The following FSIP1 variants were observed in gnomAD, a reference collection of about 807,000 sequenced individuals.
FSIP1 encodes the protein fibrous sheath-interacting protein 1.
A neutral mutation model predicts 60.9 loss-of-function variants in FSIP1; 65 were observed. The observed-to-expected ratio is 1.07, with a 90% confidence interval of 0.87 to 1.31. The LOEUF is 1.31. FSIP1 is among the 40% of genes most tolerant of loss of function. The pLI is 0.00. For synonymous variants in FSIP1, 209 were observed against 221.2 expected, an observed-to-expected ratio of 0.94 and a Z score of 0.49; for missense variants, 675 against 665.5, an observed-to-expected ratio of 1.01 and a Z score of -0.16.
At chr15:39,726,429 A>C (rs1340183898) in intron 9 of FSIP1, among the ~76,000 whole-genome samples, 160 bp downstream of exon 9, 5 of 152,170 alleles carry the variant, frequency 3.3e-5, no homozygotes, top group Non-Finnish European at 7.3e-5. Context: ...TTACCAAATG[A>C]AAGAAAAGTG....
chr15:39,691,097 C>T (rs761336146), intron 10 of FSIP1, among the ~76,000 whole-genome samples: 6 of 152,178 alleles, frequency 3.9e-5, no homozygotes, highest in Non-Finnish European at 7.3e-5. Flanking sequence ...GACTTTGTCT[C>T]GCCACCAATT....
chr15:39,711,809 C>G (rs1895525654), intron 10 of FSIP1, among the ~76,000 whole-genome samples: 2 of 151,454 alleles, frequency 1.3e-5, no homozygotes, highest in Admixed American at 6.6e-5. Context: ...CTCAGCCTCC[C>G]AAGTAGCTGG....
rs532577599 is a variant in FSIP1 at position 39,604,809 on chromosome 15, T to A, written c.1700-3883A>T. Among the ~76,000 whole-genome samples, 17 of 152,288 alleles carry A rather than the reference T, an allele frequency of 1.1e-4. No individual in the cohort carries two copies. In the South Asian group the frequency reaches 3.3e-3, roughly 30 times the overall value. ...AAACAGAAAACTATTAAGGCAATGA[T>A]GAGTTAAGGACTTCCCTAAGAGCAA... is the stretch of plus-strand genomic sequence containing the variant. On this transcript the variant is annotated intron_variant, in intron 11 of 11. Transcript: ENST00000350221.
intron 10 of FSIP1, among the ~76,000 whole-genome samples, chr15:39,667,558 A>T (rs575191280): frequency 2.6e-5 from 4 of 152,342 alleles, no homozygotes; most frequent in African/African-American, 9.6e-5. Context: ...AAGCCGAAAC[A>T]GACCCAGTCA....
At chr15:39,645,654 G>A (rs554791143) in intron 10 of FSIP1, among the ~76,000 whole-genome samples, 4 of 152,334 alleles carry the variant, frequency 2.6e-5, no homozygotes, top group South Asian at 2.1e-4. Flanking sequence ...TGGCCAGGCC[G>A]GAGCTCCTGG....
chr15:39,703,057 A>G (rs914296673), intron 10 of FSIP1, among the ~76,000 whole-genome samples: 9 of 149,334 alleles, frequency 6.0e-5, no homozygotes, highest in African/African-American at 2.2e-4. Flanking sequence ...ATTTCGGCTC[A>G]CTGCAACCTC....
chr15:39,743,697 C>G lies in FSIP1; in HGVS notation c.560-1797G>C, dbSNP rs183717415. On this transcript the variant is annotated intron_variant, in intron 5 of 11. Transcript: ENST00000350221. ...AAATAGTAACTTTACCATGAAGAAA[C>G]CTGGTAGACACCATTTTCATTTAAA... Among the ~76,000 whole-genome samples, 25 of 152,246 alleles carry G rather than the reference C, an allele frequency of 1.6e-4. No individual in the cohort carries two copies. In the East Asian group the frequency reaches 4.6e-3, roughly 28 times the overall value.
intron 10 of FSIP1, among the ~76,000 whole-genome samples, chr15:39,633,796 G>A (rs554527215): frequency 2.4e-4 from 36 of 152,042 alleles, no homozygotes; most frequent in Non-Finnish European, 4.4e-5. Context: ...TGTAATAGAC[G>A]CTGATTATAT....
chr15:39,721,069 C>T (rs1895948687), intron 9 of FSIP1, among the ~76,000 whole-genome samples: 1 of 152,144 alleles, frequency 6.6e-6, no homozygotes, highest in Admixed American at 6.5e-5. Context: ...TGGGCCAGAG[C>T]ATCTATATGA....
At chr15:39,677,532 C>A (rs1306326525) in intron 10 of FSIP1, among the ~76,000 whole-genome samples, 1 of 152,080 alleles carries the variant, frequency 6.6e-6, no homozygotes, top group African/African-American at 2.4e-5. Flanking sequence ...TTTTCACACC[C>A]CTTTAAACCA....
intron 9 of FSIP1, among the ~76,000 whole-genome samples, chr15:39,720,033 G>C (rs1166295345): frequency 2.0e-5 from 3 of 152,164 alleles, no homozygotes; most frequent in Non-Finnish European, 4.4e-5. Flanking sequence ...TTCTGTGCCT[G>C]TGACTAGCAT....
intron 10 of FSIP1, among the ~76,000 whole-genome samples, chr15:39,651,403 A>T (rs1484499928): frequency 6.6e-6 from 1 of 152,220 alleles, no homozygotes; most frequent in Non-Finnish European, 1.5e-5. Flanking sequence ...TTTCCATATT[A>T]TTCTTTTAAC....
chr15:39,718,856 T>A (rs953394942), intron 9 of FSIP1, among the ~76,000 whole-genome samples: 2 of 152,184 alleles, frequency 1.3e-5, no homozygotes, highest in Non-Finnish European at 2.9e-5. Context: ...TGACTCTCCA[T>A]ACCTAAGAGG....
chr15:39,736,220 T>A lies in FSIP1; in HGVS notation c.891+1871A>T, dbSNP rs183846079. Among the ~76,000 whole-genome samples, 33 of 152,318 alleles carry A rather than the reference T, an allele frequency of 2.2e-4. No homozygotes were observed. The East Asian group carries it at 6.4e-3, about 29-fold the overall frequency. Reference sequence around the variant, plus strand: ...ACCATGAACCAGCGAAGCTGAAATATCTCAGAATTATGTGGGCATTTAGCA... The same window carrying A: ...ACCATGAACCAGCGAAGCTGAAATAACTCAGAATTATGTGGGCATTTAGCA... On this transcript the variant is annotated intron_variant, in intron 8 of 11. Transcript: ENST00000350221.
At chr15:39,686,243 T>C (rs1024483903) in intron 10 of FSIP1, among the ~76,000 whole-genome samples, 4 of 152,316 alleles carry the variant, frequency 2.6e-5, no homozygotes, top group Admixed American at 2.6e-4. Flanking sequence ...TCACACTGCT[T>C]CATCTCAAAA....
rs186520618 is a variant in FSIP1, at chr15:39,703,907, G to A, written c.1188+9537C>T. ...TGCAGGATAATTCATGATCATCAGC[G>A]AAATACCTATAACTGTACTACATTC... On this transcript the variant is annotated intron_variant, in intron 10 of 11. Transcript: ENST00000350221. 3.5e-3 allele frequency among the ~76,000 whole-genome samples: 533 copies of A among 152,240 alleles called. 3 individuals carry two copies. Among genetic ancestry groups the A allele is most frequent in the African/African-American group, 0.012 (505 of 41,530 alleles).
At chr15:39,759,011 C>T (rs987777811) in intron 5 of FSIP1, among the ~76,000 whole-genome samples, 2 of 151,996 alleles carry the variant, frequency 1.3e-5, no homozygotes, top group Non-Finnish European at 2.9e-5. Context: ...TAACTCATAT[C>T]TAATACCAAA....
At chr15:39,726,332 T>C (rs1317665572) in intron 9 of FSIP1, among the ~76,000 whole-genome samples, 1 of 152,070 alleles carries the variant, frequency 6.6e-6, no homozygotes. Flanking sequence ...CTCCCCTCTC[T>C]CTTGATCATG....
At chr15:39,652,648 C>T (rs1892918275) in intron 10 of FSIP1, among the ~76,000 whole-genome samples, 1 of 152,152 alleles carries the variant, frequency 6.6e-6, no homozygotes, top group African/African-American at 2.4e-5. Flanking sequence ...ACAAAGTAAT[C>T]TTATCTGTGA....
Sources: allele counts gnomAD v4.1 joint callset (sites outside exome capture counted in the v4.1 genomes callset), GRCh38; gene constraint gnomAD v4.1.1; transcripts MANE v1.5; gene names NCBI Gene and HGNC (gene_info 2026-07-23, HGNC 2026-07-21).